SRRT: variants seen among roughly 807,000 people sequenced by gnomAD.
The protein encoded by SRRT is serrate, RNA effector molecule.
Under a neutral mutation model 103.2 loss-of-function variants are expected in SRRT, and 32 were observed. The ratio of observed to expected loss-of-function variants is 0.31; its 90% CI spans 0.23 to 0.42. The LOEUF (loss-of-function observed/expected upper bound fraction) is 0.42, where lower values mean the gene tolerates loss of function less well. Among genes scored for constraint, SRRT ranks in the 10% least tolerant of loss-of-function variants. The pLI is 1.00. For synonymous variants in SRRT, 525 were observed against 449.0 expected, an observed-to-expected ratio of 1.17 and a Z score of -2.14; for missense variants, 986 against 1,207.5, an observed-to-expected ratio of 0.82 and a Z score of 2.72.
rs564112991 is a variant in SRRT, at chr7:100,875,179, C to G, written c.-168C>G. ...CGCGCTACTGCCCATCCCCGGTTGT[C>G]CCACTTTTGTTCGCCTCTCTTCGGC... On this transcript the variant is annotated 5_prime_UTR_variant, in exon 1 of 20. Transcript: ENST00000611405. 4 of 180,962 alleles carry G rather than the reference C, an allele frequency of 2.2e-5. No homozygotes were observed. In the South Asian group the frequency reaches 4.6e-4, roughly 21 times the overall value. The allele number at this position is 180,962 out of a possible 1,614,324, so 11.2% of individuals were successfully genotyped here. A position where few individuals can be genotyped will look rare whatever the true frequency, so the allele number is the denominator to read the frequency against.
rs927281069 is a variant in SRRT at position 100,875,743 on chromosome 7, G to A, written c.122+31G>A. 7 of 1,610,386 alleles carry A rather than the reference G, an allele frequency of 4.3e-6. No homozygotes were observed. In the East Asian group the frequency reaches 6.7e-5, roughly 15 times the overall value. ...CCGTTTTTAACTTCATCTTGTCCCC[G>A]TTTCATGCCGTTTCACTCCACCCGC... On this transcript the variant is annotated intron_variant, in intron 2 of 19. Coordinates refer to ENST00000611405, the MANE Select transcript of SRRT (RefSeq NM_015908.6).
Position 100,887,900 on chromosome 7 carries a change from TGAC to T in SRRT, c.2326+42_2326+44del. The T allele has an allele frequency of 6.3e-7, 1 of 1,580,164 alleles. No homozygotes were observed. The highest frequency in any genetic ancestry group is 8.6e-7 in the Non-Finnish European group (1 of 1,157,636). On this transcript the variant is annotated intron_variant, in intron 17 of 19. Coordinates refer to ENST00000611405, the MANE Select transcript of SRRT (RefSeq NM_015908.6). This position sits in a 1 kb window ranked among gnomAD's most constrained non-coding sequence, Gnocchi z 4.1. ...TGAAGGTCGCATGTGCCCTCTTCCT[TGAC>T]TACCCAGGGACTCCTGTTTCTCTTT...
Position 100,882,490 on chromosome 7 carries a change from C to T in SRRT, c.587+249C>T. The T allele has an allele frequency of 2.4e-6, 1 of 422,730 alleles. No homozygotes were observed. Among genetic ancestry groups the T allele is most frequent in the Non-Finnish European group, 4.3e-6 (1 of 233,946 alleles). 26.2% of individuals were successfully genotyped at this position (422,730 alleles called of 1,614,324 possible). A position where few individuals can be genotyped will look rare whatever the true frequency, so the allele number is the denominator to read the frequency against. ...GACACCTCCAGGCAGCAGGCCAGAG[C>T]CACTTGGCCCCTTGGGGCAGCAGAC... is the stretch of plus-strand genomic sequence containing the variant. On this transcript the variant is annotated intron_variant, in intron 5 of 19. Transcript: ENST00000611405. The surrounding 1 kb of genome is among the most constrained non-coding windows in gnomAD (Gnocchi z 4.2).
chr7:100,881,539 C>A, intron 3 of SRRT, 120 bp from the exon 4 acceptor site: 2 of 1,568,524 alleles, frequency 1.3e-6, no homozygotes, highest in Non-Finnish European at 1.7e-6. Context: ...CCCATCGTTA[C>A]TTTGTCCCTT....
chr7:100,875,382 G>T lies in SRRT; in HGVS notation c.-19+54G>T. On this transcript the variant is annotated intron_variant, in intron 1 of 19. Transcript: ENST00000611405. ...CCGCTGGGGCGGGAGAGGAACCGGG[G>T]TCCACGGGGGCGGGCGCGGAGAAAC... 2.2e-6 allele frequency: 3 copies of T among 1,344,120 alleles called. No individual in the cohort carries two copies. The South Asian group carries it at 4.6e-5, about 21-fold the overall frequency. The allele number at this position is 1,344,120 out of a possible 1,614,324, so 83.3% of individuals were successfully genotyped here.
chr7:100,881,254 T>C, intron 2 of SRRT, 31 bp from the exon 3 acceptor site: 1 of 1,598,378 alleles, frequency 6.3e-7, no homozygotes, highest in South Asian at 1.1e-5. Flanking sequence ...GTGCCTGGCC[T>C]TTAATCTTTG....
chr7:100,876,212 C>T (rs7794216), intron 2 of SRRT, among the ~76,000 whole-genome samples: 26,196 of 152,154 alleles, frequency 0.17, 2,960 homozygotes, highest in Middle Eastern at 0.26. Context: ...AGTGCAATGG[C>T]GCAATCTTGG....
At position 100,887,031 on chromosome 7, in the gene SRRT, C is replaced by T; in HGVS notation, c.1822-16C>T. ...GGTGAGGGCAGGAGCTGAACGCTCG[C>T]ATTCACTTCCCTTAGGTCTTGGACA... On this transcript the variant is annotated splice_polypyrimidine_tract_variant and intron_variant, in intron 14 of 19. Coordinates refer to ENST00000611405, the MANE Select transcript of SRRT (RefSeq NM_015908.6). This position sits in a 1 kb window ranked among gnomAD's most constrained non-coding sequence, Gnocchi z 4.1. The T allele has an allele frequency of 6.2e-7, 1 of 1,613,498 alleles. No individual in the cohort carries two copies. The highest frequency in any genetic ancestry group is 8.5e-7 in the Non-Finnish European group (1 of 1,179,456).
Position 100,887,103 on chromosome 7 carries a change from C to A in SRRT, c.1878C>A (p.Asn626Lys), listed in dbSNP as rs751353837. The change falls in exon 15 of 20, where the codon AAC (asparagine) becomes AAA (lysine). Residue 626 changes from asparagine (N) to lysine (K), a missense_variant. Transcript: ENST00000611405. This position sits in a 1 kb window ranked among gnomAD's most constrained non-coding sequence, Gnocchi z 4.1. Reference sequence around the variant, plus strand: ...TCGTGCATTCCTTGGATTATTACAACACCTGTGAGTACCCCAACGAGGACG... The same window carrying A: ...TCGTGCATTCCTTGGATTATTACAAAACCTGTGAGTACCCCAACGAGGACG... Reference protein sequence around the residue: ...LRIVHSLDYYNTCEYPNEDEM... With the variant: ...LRIVHSLDYYKTCEYPNEDEM... 6.2e-7 allele frequency: 1 copy of A among 1,614,098 alleles called. No individual in the cohort carries two copies.
Position 100,885,322 on chromosome 7 carries a change from C to A in SRRT, c.1269C>A (p.Leu423=), listed in dbSNP as rs779883422. The A allele has an allele frequency of 4.3e-6, 7 of 1,614,054 alleles. No individual in the cohort carries two copies. In the Middle Eastern group the frequency reaches 4.9e-4, roughly 114 times the overall value. The change falls in exon 10 of 20, where the codon CTC becomes CTA. Residue 423 remains leucine, a synonymous_variant. Transcript: ENST00000611405. The surrounding 1 kb of genome is among the most constrained non-coding windows in gnomAD (Gnocchi z 4.8). ...KPRPLHKTCS[L]FMRNIAPNIS... ...GGCCGCTGCATAAGACCTGCTCCCT[C>A]TTCATGCGCAACATCGCGCCCAACA...
Position 100,888,121 on chromosome 7 carries a change from G to GC in SRRT, c.2411dup (p.Ile805AspfsTer33). 1 of 1,610,450 alleles carries GC rather than the reference G, an allele frequency of 6.2e-7. No individual in the cohort carries two copies. Among genetic ancestry groups the GC allele is most frequent in the Non-Finnish European group, 8.5e-7 (1 of 1,178,118 alleles). ...GCCTGATGCCCTATGGTCAGCCCCG[G>GC]CCCCCGATCTTGGGCTATGGAGGTA... On this transcript the variant is annotated frameshift_variant, in exon 18 of 20. Transcript: ENST00000611405. LOFTEE classifies it high-confidence loss of function.
rs936905003 is a variant in SRRT, at chr7:100,885,381, A to G, written c.1317+11A>G. 1.2e-6 allele frequency: 2 copies of G among 1,611,092 alleles called. No homozygotes were observed. The highest frequency in any genetic ancestry group is 1.7e-6 in the Non-Finnish European group (2 of 1,177,850). On this transcript the variant is annotated intron_variant, in intron 10 of 19. Transcript: ENST00000611405. The surrounding 1 kb of genome is among the most constrained non-coding windows in gnomAD (Gnocchi z 4.8). ...GCCGAGATCATCTCCGTGAGTGGGG[A>G]CCCGTGGAGTCAGGGCAGGGCTGAT...
At chr7:100,881,155 C>A in intron 2 of SRRT, 130 bp from the exon 3 acceptor site, 1 of 887,314 alleles carries the variant, frequency 1.1e-6, no homozygotes, top group Admixed American at 2.5e-5. Context: ...GGGGGGGTCT[C>A]ACTATTGCCC....
rs558063196 is a variant in SRRT at position 100,879,810 on chromosome 7, CA to C, written c.123-1459del. Among the ~76,000 whole-genome samples, 455 of 108,782 alleles carry C rather than the reference CA, an allele frequency of 4.2e-3. 4 individuals carry two copies. Among genetic ancestry groups the C allele is most frequent in the African/African-American group, 0.012 (312 of 25,588 alleles). 71.4% of individuals were successfully genotyped at this position (108,782 alleles called of 152,430 possible). A position where few individuals can be genotyped will look rare whatever the true frequency, so the allele number is the denominator to read the frequency against. ...CTGAGCGACAGAGTGAGACTGTCTC[CA>C]AAAAAAAAAAAAAAAGAAGAAGAAG... is the stretch of plus-strand genomic sequence containing the variant. On this transcript the variant is annotated intron_variant, in intron 2 of 19. Transcript: ENST00000611405.
At position 100,881,148 on chromosome 7, in the gene SRRT, G is replaced by GA. The variant is rs559908729; in HGVS notation, c.123-137_123-136insA. ...TTGTAGGGATGGCGGGGGGCGGGGG[G>GA]GGGTCTCACTATTGCCCAGGTTGGT... On this transcript the variant is annotated intron_variant, in intron 2 of 19. Transcript: ENST00000611405. 4.9e-5 allele frequency: 39 copies of GA among 790,984 alleles called. No homozygotes were observed. The East Asian group carries it at 1.0e-3, about 21-fold the overall frequency. 49.0% of individuals were successfully genotyped at this position (790,984 alleles called of 1,614,324 possible).
chr7:100,883,941 C>A, intron 5 of SRRT, 129 bp from the exon 6 acceptor site: 1 of 1,037,762 alleles, frequency 9.6e-7, no homozygotes, highest in Non-Finnish European at 1.4e-6. Context: ...CTTAATCTCT[C>A]TATTTTGATG....
In SRRT at chr7:100,884,193, C is replaced by G. The variant is rs1395854081; in HGVS notation, c.711C>G (p.Leu237=). 6.2e-7 allele frequency: 1 copy of G among 1,614,002 alleles called. No individual in the cohort carries two copies. Among genetic ancestry groups the G allele is most frequent in the African/African-American group, 1.3e-5 (1 of 74,908 alleles). ...AGACTGGCTGGTTTGATAACCTTCT[C>G]CTGGACATAGACAAAGCTGATGCCA... The part of the protein sequence containing the change: ...LMETGWFDNL[L]LDIDKADAIV... Residue 237 remains leucine, a synonymous_variant, in exon 6 of 20, where the codon CTC becomes CTG. Coordinates refer to ENST00000611405, the MANE Select transcript of SRRT (RefSeq NM_015908.6).
rs1231853583 is a variant in SRRT at position 100,887,685 on chromosome 7, T to C, written c.2170-18T>C. The C allele has an allele frequency of 6.2e-7, 1 of 1,600,740 alleles. No individual in the cohort carries two copies. The highest frequency in any genetic ancestry group is 2.2e-5 in the East Asian group (1 of 44,492). On this transcript the variant is annotated intron_variant, in intron 16 of 19. Coordinates refer to ENST00000611405, the MANE Select transcript of SRRT (RefSeq NM_015908.6). The surrounding 1 kb of genome is among the most constrained non-coding windows in gnomAD (Gnocchi z 4.1). Reference sequence around the variant, plus strand: ...ACCCTTATGTGGCTGTCCTGACCCCTCTCCTCTCTCCACCCAGGGTCCTGA... The same window carrying C: ...ACCCTTATGTGGCTGTCCTGACCCCCCTCCTCTCTCCACCCAGGGTCCTGA...
At position 100,886,429 on chromosome 7, in the gene SRRT, G is replaced by A; in HGVS notation, c.1641G>A (p.Leu547=). The change falls in exon 13 of 20, where the codon CTG becomes CTA. Residue 547 remains leucine, a synonymous_variant. Transcript: ENST00000611405. ...LWASEPGTPP[L]PTSLPSQNPI... ...CCTCAGAACCAGGGACGCCTCCCCT[G>A]CCCACGGTCAGTGACTCCCCAAAGG... 6.2e-7 allele frequency: 1 copy of A among 1,611,308 alleles called. No individual in the cohort carries two copies. The highest frequency in any genetic ancestry group is 8.5e-7 in the Non-Finnish European group (1 of 1,179,276).
Sources: gnomAD v4.1 joint callset for allele counts (sites outside exome capture counted in the v4.1 genomes callset) on GRCh38, gnomAD v4.1.1 for gene constraint, Gnocchi (gnomAD v3.1) non-coding constraint, MANE v1.5 for transcripts, NCBI Gene and HGNC (gene_info 2026-07-23, HGNC 2026-07-21) for gene names.